The following LMAN1 variants were observed in gnomAD, a reference collection of about 807,000 sequenced individuals.
The protein encoded by LMAN1 is lectin, mannose binding 1.
In LMAN1, 32 loss-of-function variants were observed where a neutral mutation model predicts 67.8. That is an observed-to-expected ratio of 0.47 (90% CI 0.36 to 0.63). LMAN1 has a LOEUF of 0.63. LMAN1 is among the 30% of genes least tolerant of loss of function. The pLI is 0.00. For synonymous variants in LMAN1, 235 were observed against 219.3 expected, an observed-to-expected ratio of 1.07 and a Z score of -0.63; for missense variants, 632 against 628.2, an observed-to-expected ratio of 1.01 and a Z score of -0.06.
At chr18:59,337,337 T>C (rs1313254926) in intron 10 of LMAN1, among the ~76,000 whole-genome samples, 5 of 152,068 alleles carry the variant, frequency 3.3e-5, no homozygotes, top group African/African-American at 1.2e-4. Context: ...TGCAGAAGGC[T>C]AAAGAGAAAA....
rs2070738119 is a variant in LMAN1 at position 59,330,062 on chromosome 18, A to C, written c.*1031T>G. The C allele has an allele frequency of 6.6e-6, 1 of 152,470 alleles. No homozygotes were observed. Among genetic ancestry groups the C allele is most frequent in the African/African-American group, 2.4e-5 (1 of 41,474 alleles). 9.4% of individuals were successfully genotyped at this position (152,470 alleles called of 1,614,324 possible). Reference sequence around the variant, plus strand: ...TTAGTTCTGGCACTAAAAGGAAACAATTAGAAGTATTCACTGTTTTTCAAA... The same window carrying C: ...TTAGTTCTGGCACTAAAAGGAAACACTTAGAAGTATTCACTGTTTTTCAAA... On this transcript the variant is annotated 3_prime_UTR_variant, in exon 13 of 13. Coordinates refer to ENST00000251047, the MANE Select transcript of LMAN1 (RefSeq NM_005570.4).
chr18:59,347,591 A>T lies in LMAN1; in HGVS notation c.764-20T>A. The stretch of plus-strand genomic sequence containing the variant: ...GGTCATCTACAAATTAAAAAAAAAA[A>T]AGTCTGAAAAAGTTCCATAGGAGAT... On this transcript the variant is annotated intron_variant, in intron 6 of 12. Coordinates refer to ENST00000251047, the MANE Select transcript of LMAN1 (RefSeq NM_005570.4). 7 of 1,502,942 alleles carry T rather than the reference A, an allele frequency of 4.7e-6. No individual in the cohort carries two copies. The highest frequency in any genetic ancestry group is 6.4e-6 in the Non-Finnish European group (7 of 1,088,170). 93.1% of individuals were successfully genotyped at this position (1,502,942 alleles called of 1,614,324 possible). A position where few individuals can be genotyped will look rare whatever the true frequency, so the allele number is the denominator to read the frequency against.
intron 6 of LMAN1, among the ~76,000 whole-genome samples, chr18:59,348,151 C>T (rs1012429523): frequency 2.0e-5 from 3 of 152,216 alleles, no homozygotes; most frequent in African/African-American, 7.2e-5. Flanking sequence ...ATGCTAAAAG[C>T]ACCAGCTCAG....
At position 59,356,746 on chromosome 18, in the gene LMAN1, T is replaced by TA. The variant is rs569521627; in HGVS notation, c.215-1089dup. On this transcript the variant is annotated intron_variant, in intron 1 of 12. Coordinates refer to ENST00000251047, the MANE Select transcript of LMAN1 (RefSeq NM_005570.4). ...ATTTGAGTTCAACTTCACTGACACT[T>TA]ACTACTTATGTATCCTTTTTCAAAA... 4.9e-3 allele frequency among the ~76,000 whole-genome samples: 752 copies of TA among 152,336 alleles called. 3 individuals are homozygous for TA. The highest frequency in any genetic ancestry group is 0.014 in the Middle Eastern group (4 of 294).
intron 5 of LMAN1, 53 bp from the exon 6 acceptor site, chr18:59,349,289 T>C (rs996256854): frequency 6.6e-7 from 1 of 1,506,788 alleles, no homozygotes; most frequent in South Asian, 1.1e-5. Context: ...AGAAAATAAA[T>C]TTCAATCGAT....
rs1259008343 is a variant in LMAN1, at chr18:59,333,088, T to C, written c.1374+3A>G. 3.1e-6 allele frequency: 5 copies of C among 1,611,268 alleles called. No individual in the cohort carries two copies. The South Asian group carries it at 5.5e-5, about 18-fold the overall frequency. On this transcript the variant is annotated splice_donor_region_variant and intron_variant, in intron 11 of 12. Coordinates refer to ENST00000251047, the MANE Select transcript of LMAN1 (RefSeq NM_005570.4). ...TTATAAAAGGAAAAGGAAACAAAGT[T>C]ACCATATTTCGCTGCACTAAGTTAT...
At chr18:59,351,799 G>T (rs1430320287) in intron 5 of LMAN1, among the ~76,000 whole-genome samples, 1 of 152,178 alleles carries the variant, frequency 6.6e-6, no homozygotes, top group Non-Finnish European at 1.5e-5. Flanking sequence ...TTTGCTACAT[G>T]CAGGTAAGCA....
rs1438593747 is a variant in LMAN1 at position 59,330,279 on chromosome 18, T to C, written c.*814A>G. 1 of 152,508 alleles carries C rather than the reference T, an allele frequency of 6.6e-6. No homozygotes were observed. Among genetic ancestry groups the C allele is most frequent in the Admixed American group, 6.6e-5 (1 of 15,262 alleles). The allele number at this position is 152,508 out of a possible 1,614,324, so 9.4% of individuals were successfully genotyped here. ...TTACATGCTGTAGTAAAGGGAGAAATAAATTCCTTAAGTTACAAATATAAA... is the reference window on the plus strand; with the variant it reads ...TTACATGCTGTAGTAAAGGGAGAAACAAATTCCTTAAGTTACAAATATAAA... On this transcript the variant is annotated 3_prime_UTR_variant, in exon 13 of 13. Coordinates refer to ENST00000251047, the MANE Select transcript of LMAN1 (RefSeq NM_005570.4).
chr18:59,334,597 A>C (rs1458839217), intron 10 of LMAN1, among the ~76,000 whole-genome samples: 1 of 152,234 alleles, frequency 6.6e-6, no homozygotes, highest in Non-Finnish European at 1.5e-5. Flanking sequence ...AAGGAGAGCA[A>C]GTGAAGATAA....
At chr18:59,333,014 T>G in intron 11 of LMAN1, 77 bp downstream of exon 11, 1 of 1,234,598 alleles carries the variant, frequency 8.1e-7, no homozygotes. Flanking sequence ...ACTAAAGGGT[T>G]AAAATACTTG....
intron 4 of LMAN1, among the ~76,000 whole-genome samples, chr18:59,353,796 C>A (rs1404109388): frequency 1.3e-5 from 2 of 152,278 alleles, no homozygotes; most frequent in East Asian, 1.9e-4. Flanking sequence ...GGTTCCAGGA[C>A]CCCTGTGGAT....
At chr18:59,350,946 G>A (rs1281662722) in intron 5 of LMAN1, among the ~76,000 whole-genome samples, 1 of 151,994 alleles carries the variant, frequency 6.6e-6, no homozygotes, top group Non-Finnish European at 1.5e-5. Flanking sequence ...TTCACCTTAT[G>A]GTTTCAAACC....
chr18:59,336,535 G>C (rs1230600442), intron 10 of LMAN1, among the ~76,000 whole-genome samples: 2 of 152,166 alleles, frequency 1.3e-5, no homozygotes, highest in African/African-American at 4.8e-5. Context: ...AGAAAAGATA[G>C]TTGGTCCTGA....
intron 1 of LMAN1, among the ~76,000 whole-genome samples, chr18:59,357,384 G>C (rs1040468864): frequency 2.0e-5 from 3 of 152,176 alleles, no homozygotes; most frequent in Non-Finnish European, 4.4e-5. Flanking sequence ...AGAGAAAAGG[G>C]ATAGAAGAAC....
In LMAN1 at chr18:59,353,221, T is replaced by C. The variant is rs1908584205; in HGVS notation, c.620A>G (p.Tyr207Cys). ...ACTTACTGTCAGTGTGTTCTGGTAA[T>C]AGGTAATCTTTGCTCGGACAGGATA... ...KPYPVRAKIT[Y>C]YQNTLTVMIN... is the part of the protein sequence containing the mutation. Residue 207 changes from tyrosine (Y) to cysteine (C), a missense_variant, in exon 5 of 13, where the codon TAT (tyrosine) becomes TGT (cysteine). Coordinates refer to ENST00000251047, the MANE Select transcript of LMAN1 (RefSeq NM_005570.4). 8.7e-6 allele frequency: 14 copies of C among 1,613,810 alleles called. No individual in the cohort carries two copies. The highest frequency in any genetic ancestry group is 1.2e-5 in the Non-Finnish European group (14 of 1,179,690).
intron 1 of LMAN1, among the ~76,000 whole-genome samples, chr18:59,357,513 G>T (rs754180716): frequency 6.6e-6 from 1 of 152,136 alleles, no homozygotes; most frequent in African/African-American, 2.4e-5. Flanking sequence ...GATATCATTT[G>T]CATCACCTTT....
intron 1 of LMAN1, among the ~76,000 whole-genome samples, chr18:59,355,939 C>A (rs1427714132): frequency 6.6e-6 from 1 of 152,136 alleles, no homozygotes; most frequent in African/African-American, 2.4e-5. Context: ...AGTCTCATAA[C>A]ATTCTTTTTA....
At chr18:59,346,196 A>T in intron 7 of LMAN1, 145 bp from the exon 8 acceptor site, 2 of 468,984 alleles carry the variant, frequency 4.3e-6, no homozygotes, top group East Asian at 4.1e-5. Flanking sequence ...TACTTAAACG[A>T]TAGCAAATTA....
intron 3 of LMAN1, among the ~76,000 whole-genome samples, chr18:59,354,790 A>G (rs558242766): frequency 5.9e-5 from 9 of 152,346 alleles, no homozygotes; most frequent in Non-Finnish European, 1.0e-4. Context: ...GCTGATGGGA[A>G]GATCATCAAC....
Sources: allele counts gnomAD v4.1 joint callset (sites outside exome capture counted in the v4.1 genomes callset), GRCh38; gene constraint gnomAD v4.1.1; transcripts MANE v1.5; gene names NCBI Gene and HGNC (gene_info 2026-07-23, HGNC 2026-07-21).